LANCL2: variants seen among roughly 807,000 people sequenced by gnomAD.
LANCL2 encodes LanC like glutathione S-transferase 2.
LANCL2 carries 33 observed loss-of-function variants against 56.9 expected under a neutral mutation model. That is an observed-to-expected ratio of 0.58 (90% CI 0.44 to 0.78). The LOEUF (loss-of-function observed/expected upper bound fraction) is 0.78. Among genes scored for constraint, LANCL2 ranks in the 30% least tolerant of loss-of-function variants. The pLI, the probability that LANCL2 is intolerant of heterozygous loss-of-function variation, is 0.00. For synonymous variants in LANCL2, 233 were observed against 228.2 expected (o/e 1.02, Z -0.19); for missense variants, 562 against 580.2 (o/e 0.97, Z 0.32).
intron 1 of LANCL2, among the ~76,000 whole-genome samples, chr7:55,378,552 GTGTA>G (rs1790029689): frequency 6.7e-6 from 1 of 149,282 alleles, no homozygotes; most frequent in Admixed American, 6.7e-5. Flanking sequence ...GTGTGTGTGT[GTGTA>G]TGTAAATAAA....
In LANCL2 at chr7:55,390,943, A is replaced by T. The variant is rs983356579; in HGVS notation, c.205-850A>T. Among the ~76,000 whole-genome samples, 12 of 146,834 alleles carry T rather than the reference A, an allele frequency of 8.2e-5. No individual in the cohort carries two copies. In the East Asian group the frequency reaches 1.6e-3, roughly 19 times the overall value. On this transcript the variant is annotated intron_variant, in intron 1 of 8. Coordinates refer to ENST00000254770, the MANE Select transcript of LANCL2 (RefSeq NM_018697.4). ...GACTTAATTCTTTTTATATATATAT[A>T]TTTTTTAATCTGGTAAGAAATCCAT...
Position 55,433,488 on chromosome 7 carries a change from G to GACTT in LANCL2, c.*2173_*2176dup, listed in dbSNP as rs552380508. The GACTT allele has an allele frequency of 6.6e-6, 1 of 152,198 alleles. No homozygotes were observed. The highest frequency in any genetic ancestry group is 1.5e-5 in the Non-Finnish European group (1 of 68,036). 9.4% of individuals were successfully genotyped at this position (152,198 alleles called of 1,614,324 possible). A position where few individuals can be genotyped will look rare whatever the true frequency, so the allele number is the denominator to read the frequency against. Reference sequence around the variant, plus strand: ...GTCCCTCCAGGCAAAGGAGAAACGGGACTTACTTCACAGGACAGAGGATTG... The same window carrying GACTT: ...GTCCCTCCAGGCAAAGGAGAAACGGGACTTACTTACTTCACAGGACAGAGGATTG... On this transcript the variant is annotated 3_prime_UTR_variant, in exon 9 of 9. Transcript: ENST00000254770.
intron 1 of LANCL2, chr7:55,379,563 T>C (rs904497664): frequency 3.9e-5 from 6 of 152,684 alleles, no homozygotes; most frequent in Non-Finnish European, 5.9e-5. Flanking sequence ...AACTACCTTA[T>C]GGGTTCTGCC....
At chr7:55,425,622 AC>A (rs1490691752) in intron 7 of LANCL2, among the ~76,000 whole-genome samples, 192 bp downstream of exon 7, 1 of 152,142 alleles carries the variant, frequency 6.6e-6, no homozygotes, top group Non-Finnish European at 1.5e-5. Flanking sequence ...AATGGAGAGG[AC>A]AAATGTCAAT....
chr7:55,414,140 T>C, intron 6 of LANCL2, among the ~76,000 whole-genome samples: 1 of 152,224 alleles, frequency 6.6e-6, no homozygotes, highest in East Asian at 1.9e-4. Context: ...ATACATCTTC[T>C]TCATAGTATA....
In LANCL2 at chr7:55,412,118, C is replaced by T. The variant is rs376026269; in HGVS notation, c.1008+29C>T. On this transcript the variant is annotated intron_variant, in intron 6 of 8. Transcript: ENST00000254770. ...AGTGCTTCCGCCGTCACGGCCGTCC[C>T]CTGTGTGGGGAGCCAGGTTTCCCTG... 8.2e-6 allele frequency: 13 copies of T among 1,583,000 alleles called. No individual in the cohort carries two copies. In the African/African-American group the frequency reaches 1.5e-4, roughly 18 times the overall value.
At chr7:55,410,925 C>T (rs931735320) in intron 5 of LANCL2, among the ~76,000 whole-genome samples, 2 of 137,318 alleles carry the variant, frequency 1.5e-5, no homozygotes, top group African/African-American at 5.3e-5. Context: ...TGTTCTGTGG[C>T]ACTGTCATTC....
intron 5 of LANCL2, among the ~76,000 whole-genome samples, chr7:55,407,796 G>T (rs1790426307): frequency 6.6e-6 from 1 of 152,222 alleles, no homozygotes; most frequent in African/African-American, 2.4e-5. Context: ...CCAGTTCCTT[G>T]GAGTGAATCT....
rs1380236397 is a variant in LANCL2 at position 55,428,447 on chromosome 7, G to GCTC, written c.1258_1258+1insCTC (p.Gly420delinsAlaArg). The GCTC allele has an allele frequency of 6.2e-7, 1 of 1,613,236 alleles. No individual in the cohort carries two copies. The highest frequency in any genetic ancestry group is 8.5e-7 in the Non-Finnish European group (1 of 1,179,166). ...TGACAGACCCTATTCGCTCTTTGAAGGTAAGAGTGAGAAAAATGCTATAGA... is the reference window on the plus strand; with the variant it reads ...TGACAGACCCTATTCGCTCTTTGAAGCTCGTAAGAGTGAGAAAAATGCTATAGA... On this transcript the variant is annotated protein_altering_variant and splice_region_variant. Transcript: ENST00000254770.
chr7:55,389,602 G>T (rs572409372), intron 1 of LANCL2, among the ~76,000 whole-genome samples: 23 of 151,826 alleles, frequency 1.5e-4, no homozygotes, highest in Non-Finnish European at 2.9e-4. Context: ...GTAGCAAAAG[G>T]TTTTTGAATC....
intron 1 of LANCL2, among the ~76,000 whole-genome samples, chr7:55,375,054 TATTC>T (rs562207194): frequency 7.2e-5 from 11 of 152,344 alleles, no homozygotes; most frequent in African/African-American, 2.4e-4. Flanking sequence ...TTTCAAGTAT[TATTC>T]ATACCTAAAT....
At chr7:55,379,723 G>A (rs1452239872) in intron 1 of LANCL2, 1 of 152,650 alleles carries the variant, frequency 6.6e-6, no homozygotes, top group Non-Finnish European at 1.5e-5. Flanking sequence ...GTTGGATGGA[G>A]AACCAGACAG....
intron 5 of LANCL2, among the ~76,000 whole-genome samples, chr7:55,405,092 T>C (rs1300362445): frequency 6.6e-6 from 1 of 151,980 alleles, no homozygotes; most frequent in African/African-American, 2.4e-5. Context: ...AACCATGGAG[T>C]CCCAGAAGCC....
intron 2 of LANCL2, among the ~76,000 whole-genome samples, chr7:55,397,669 T>C (rs937164741): frequency 6.7e-6 from 1 of 148,618 alleles, no homozygotes; most frequent in African/African-American, 2.5e-5. Context: ...TTTTTTTTTT[T>C]TTTTTTTTAC....
chr7:55,421,001 T>C (rs943826293), intron 6 of LANCL2, among the ~76,000 whole-genome samples: 9 of 152,236 alleles, frequency 5.9e-5, no homozygotes, highest in Non-Finnish European at 1.3e-4. Flanking sequence ...CTTTTATCTC[T>C]GGTAATATTC....
intron 1 of LANCL2, among the ~76,000 whole-genome samples, chr7:55,382,893 G>C (rs1259089411): frequency 6.6e-6 from 1 of 152,160 alleles, no homozygotes; most frequent in Non-Finnish European, 1.5e-5. Flanking sequence ...AAGGCATTCT[G>C]GTCCCCAGGC....
At chr7:55,406,046 G>A (rs1055836721) in intron 5 of LANCL2, among the ~76,000 whole-genome samples, 1 of 152,156 alleles carries the variant, frequency 6.6e-6, no homozygotes, top group Non-Finnish European at 1.5e-5. Context: ...CGTAGCCTTG[G>A]GCTAGAAGCC....
rs139834133 is a variant in LANCL2 at position 55,401,123 on chromosome 7, A to G, written c.679-51A>G. Reference sequence around the variant, plus strand: ...TATGACATACTGTTAATTAGACTACAACAGGGTACATATACAGTTTTAGAT... The same window carrying G: ...TATGACATACTGTTAATTAGACTACGACAGGGTACATATACAGTTTTAGAT... On this transcript the variant is annotated intron_variant, in intron 4 of 8. Coordinates refer to ENST00000254770, the MANE Select transcript of LANCL2 (RefSeq NM_018697.4). 6.4e-3 allele frequency: 9,738 copies of G among 1,521,910 alleles called. 83 individuals carry two copies. The highest frequency in any genetic ancestry group is 0.029 in the Middle Eastern group (169 of 5,860). The allele number at this position is 1,521,910 out of a possible 1,614,324, so 94.3% of individuals were successfully genotyped here.
chr7:55,378,841 T>C (rs2128991560), intron 1 of LANCL2, among the ~76,000 whole-genome samples: 1 of 152,300 alleles, frequency 6.6e-6, no homozygotes, highest in South Asian at 2.1e-4. Flanking sequence ...CTTAAAAATA[T>C]ACTCCAGTAG....
Sources: gnomAD v4.1 joint callset for allele counts (sites outside exome capture counted in the v4.1 genomes callset) on GRCh38, gnomAD v4.1.1 for gene constraint, MANE v1.5 for transcripts, NCBI Gene and HGNC (gene_info 2026-07-23, HGNC 2026-07-21) for gene names.